ZMYND8: variants seen among roughly 807,000 people sequenced by gnomAD.
ZMYND8 encodes MYND-type zinc finger-containing chromatin reader ZMYND8.
A neutral mutation model predicts 140.8 loss-of-function variants in ZMYND8; 37 were observed. That is an observed-to-expected ratio of 0.26 (90% CI 0.20 to 0.35). ZMYND8 has a LOEUF of 0.35. ZMYND8 is among the 10% of genes least tolerant of loss of function. The pLI is 1.00. For synonymous variants in ZMYND8, 592 were observed against 597.1 expected (o/e 0.99, Z 0.12); for missense variants, 1,068 against 1,570.0 (o/e 0.68, Z 5.40).
chr20:47,260,523 T>G (rs1440106858), intron 12 of ZMYND8, among the ~76,000 whole-genome samples: 1 of 152,222 alleles, frequency 6.6e-6, no homozygotes, highest in African/African-American at 2.4e-5. Flanking sequence ...TTAAAATCTC[T>G]TATTCCTTCT....
chr20:47,226,556 T>A (rs951758023), intron 18 of ZMYND8, among the ~76,000 whole-genome samples: 2 of 152,028 alleles, frequency 1.3e-5, no homozygotes. Flanking sequence ...GGGTGAAGAG[T>A]GCCCAGACTT....
chr20:47,296,482 C>T (rs1301922632), intron 4 of ZMYND8, among the ~76,000 whole-genome samples: 2 of 152,152 alleles, frequency 1.3e-5, no homozygotes, highest in African/African-American at 4.8e-5. Context: ...TCTATCCACA[C>T]ATAATACCTG....
rs6018386 is a variant in ZMYND8, at chr20:47,275,053, G to A, written c.1480+1261C>T. On this transcript the variant is annotated intron_variant, in intron 11 of 22. Transcript: ENST00000471951. ...GAAGCGAGTGTGAAAGGCTGTCCAA[G>A]GCTTTAGGCCAGAAGCCTAAAGCTG... 2.0e-5 allele frequency among the ~76,000 whole-genome samples: 3 copies of A among 152,284 alleles called. No individual in the cohort carries two copies. In the East Asian group the frequency reaches 5.8e-4, roughly 29 times the overall value.
intron 2 of ZMYND8, among the ~76,000 whole-genome samples, chr20:47,324,718 A>G (rs2080268329): frequency 6.6e-6 from 1 of 151,944 alleles, no homozygotes; most frequent in Admixed American, 6.6e-5. Flanking sequence ...GCTCCTTCGC[A>G]TGCGGCTGGC....
At chr20:47,304,336 T>C (rs2078313154) in intron 3 of ZMYND8, among the ~76,000 whole-genome samples, 2 of 152,258 alleles carry the variant, frequency 1.3e-5, no homozygotes, top group East Asian at 1.9e-4. Flanking sequence ...TCTATAAGGA[T>C]AGTAAATACT....
At chr20:47,250,522 T>C (rs1321208389) in intron 12 of ZMYND8, among the ~76,000 whole-genome samples, 1 of 152,162 alleles carries the variant, frequency 6.6e-6, no homozygotes, top group East Asian at 1.9e-4. Context: ...CCAACAGCTA[T>C]CAGGTTGCTC....
At chr20:47,321,287 G>A (rs1296649988) in intron 2 of ZMYND8, among the ~76,000 whole-genome samples, 1 of 152,164 alleles carries the variant, frequency 6.6e-6, no homozygotes, top group Non-Finnish European at 1.5e-5. Context: ...CTTTTACGGG[G>A]CTCAGGTGTT....
intron 3 of ZMYND8, among the ~76,000 whole-genome samples, chr20:47,307,589 G>C (rs898582662): frequency 6.6e-6 from 1 of 152,082 alleles, no homozygotes; most frequent in Non-Finnish European, 1.5e-5. Context: ...AAGAGGGTAG[G>C]CTGGGCACAG....
At chr20:47,284,103 A>T (rs1378532896) in intron 8 of ZMYND8, among the ~76,000 whole-genome samples, 1 of 152,110 alleles carries the variant, frequency 6.6e-6, no homozygotes, top group African/African-American at 2.4e-5. Flanking sequence ...TTGTATTTTT[A>T]GTAGAGACAG....
At chr20:47,224,868 AC>A (rs1225990114) in intron 18 of ZMYND8, among the ~76,000 whole-genome samples, 2 of 152,072 alleles carry the variant, frequency 1.3e-5, no homozygotes, top group Non-Finnish European at 2.9e-5. Context: ...AACAACTGCC[AC>A]CAAAACTCAC....
chr20:47,231,911 C>T (rs886225120), intron 16 of ZMYND8, among the ~76,000 whole-genome samples: 1 of 152,236 alleles, frequency 6.6e-6, no homozygotes, highest in Admixed American at 6.5e-5. Flanking sequence ...CTCTTAACTT[C>T]CAAATATAGC....
chr20:47,266,234 G>A (rs2147630841), intron 11 of ZMYND8, among the ~76,000 whole-genome samples: 1 of 149,164 alleles, frequency 6.7e-6, no homozygotes, highest in East Asian at 2.0e-4. Flanking sequence ...CCCACCTGGT[G>A]GCTCAAGGCC....
chr20:47,241,341 A>G (rs2039949128), intron 14 of ZMYND8, among the ~76,000 whole-genome samples: 3 of 152,188 alleles, frequency 2.0e-5, no homozygotes, highest in South Asian at 4.1e-4. Flanking sequence ...AAAGTCAAAA[A>G]TTATACAAGC....
intron 1 of ZMYND8, chr20:47,352,370 G>C: frequency 3.6e-6 from 3 of 830,720 alleles, no homozygotes; most frequent in Non-Finnish European, 4.4e-6. Context: ...CAAATACCCA[G>C]CCCTCTGAAG....
chr20:47,335,183 C>A (rs901096345), intron 2 of ZMYND8, among the ~76,000 whole-genome samples: 6 of 151,946 alleles, frequency 3.9e-5, no homozygotes, highest in Admixed American at 3.9e-4. Flanking sequence ...GAAATCAAAG[C>A]TGCAGTGAGC....
At chr20:47,307,014 C>G (rs891767208) in intron 3 of ZMYND8, among the ~76,000 whole-genome samples, 1 of 152,018 alleles carries the variant, frequency 6.6e-6, no homozygotes, top group African/African-American at 2.4e-5. Context: ...TTGCTGAGTG[C>G]TATGGTCTGA....
chr20:47,356,439 C>CA, intron 1 of ZMYND8: 1 of 1,542,460 alleles, frequency 6.5e-7, no homozygotes, highest in South Asian at 1.2e-5. Flanking sequence ...AAAGGTGTGC[C>CA]AGGCCCTTGC....
chr20:47,223,551 G>C (rs188129802), intron 19 of ZMYND8, among the ~76,000 whole-genome samples: 1 of 151,424 alleles, frequency 6.6e-6, no homozygotes, highest in East Asian at 1.9e-4. Flanking sequence ...GATGCCAGGC[G>C]CTGTGGCTCA....
chr20:47,214,222 G>C (rs143034602), intron 21 of ZMYND8, among the ~76,000 whole-genome samples: 55 of 152,330 alleles, frequency 3.6e-4, no homozygotes, highest in African/African-American at 9.6e-4. Flanking sequence ...TAATTAGAAG[G>C]GGATCAAAAC....
Sources: gnomAD v4.1 joint callset for allele counts (sites outside exome capture counted in the v4.1 genomes callset) on GRCh38, gnomAD v4.1.1 for gene constraint, MANE v1.5 for transcripts, NCBI Gene and HGNC (gene_info 2026-07-23, HGNC 2026-07-21) for gene names.